LRRC17: variants seen among roughly 807,000 people sequenced by gnomAD.
LRRC17 encodes the protein leucine rich repeat containing 17, also known as leucine-rich repeat-containing protein 17.
A neutral mutation model predicts 41.5 loss-of-function variants in LRRC17; 33 were observed. The observed-to-expected ratio is 0.80, with a 90% confidence interval of 0.60 to 1.06. LRRC17 has a LOEUF of 1.06. Among genes scored for constraint, LRRC17 ranks in the 50% least tolerant of loss-of-function variants. The probability of loss-of-function intolerance (pLI) is 0.00; values close to 1 mark genes in which losing one functional copy is unlikely to be tolerated. For synonymous variants in LRRC17, 192 were observed against 197.0 expected (o/e 0.97, Z 0.21); for missense variants, 491 against 519.3 (o/e 0.95, Z 0.53).
chr7:102,926,791 A>G (rs1418923249), intron 1 of LRRC17, among the ~76,000 whole-genome samples: 2 of 152,228 alleles, frequency 1.3e-5, no homozygotes, highest in South Asian at 2.1e-4. Context: ...ACTCTCAACA[A>G]TGGAACTTTA....
intron 1 of LRRC17, among the ~76,000 whole-genome samples, chr7:102,919,445 C>T (rs1423600007): frequency 6.6e-6 from 1 of 152,090 alleles, no homozygotes; most frequent in African/African-American, 2.4e-5. Context: ...AATGCCTTCC[C>T]TAGCTGAGAA....
At chr7:102,939,882 T>A (rs1821058688) in intron 3 of LRRC17, among the ~76,000 whole-genome samples, 1 of 151,960 alleles carries the variant, frequency 6.6e-6, no homozygotes, top group Non-Finnish European at 1.5e-5. Flanking sequence ...AATAGTATAC[T>A]AAAATGTAGT....
chr7:102,914,796 C>T (rs1241086373), intron 1 of LRRC17, among the ~76,000 whole-genome samples: 4 of 152,148 alleles, frequency 2.6e-5, no homozygotes, highest in Non-Finnish European at 4.4e-5. Flanking sequence ...CAAAGACACG[C>T]CCCCTCTCTT....
intron 1 of LRRC17, among the ~76,000 whole-genome samples, chr7:102,919,900 C>T (rs1170424838): frequency 6.6e-6 from 1 of 152,076 alleles, no homozygotes; most frequent in Non-Finnish European, 1.5e-5. Flanking sequence ...GAAAAAAAGA[C>T]CATCAATGAA....
intron 2 of LRRC17, 44 bp from the exon 3 acceptor site, chr7:102,939,386 G>A (rs374967483): frequency 3.3e-6 from 5 of 1,528,704 alleles, no homozygotes; most frequent in Admixed American, 3.7e-5. Context: ...GAGGAAATGG[G>A]GGCAAAAAGA....
rs1377414140 is a variant in LRRC17, at chr7:102,934,685, G to A, written c.772G>A (p.Glu258Lys). The A allele has an allele frequency of 1.3e-6, 2 of 1,571,704 alleles. No homozygotes were observed. The highest frequency in any genetic ancestry group is 1.7e-6 in the Non-Finnish European group (2 of 1,165,904). ...ACAAACACTGGACTGCAAAAGGAAA[G>A]GTTTGTACTTTTCTTACTTTTTCAT... ...PIQTLDCKRK[E>K]LKKVPNNIPP... The change falls in exon 2 of 4, where the codon GAG (glutamate) becomes AAG (lysine). Residue 258 changes from glutamate to lysine, a missense_variant and splice_region_variant. Glu to Lys is a moderately conservative substitution (Grantham distance 56). Transcript: ENST00000339431.
intron 1 of LRRC17, among the ~76,000 whole-genome samples, chr7:102,931,593 A>T (rs1210035678): frequency 1.3e-5 from 2 of 152,090 alleles, no homozygotes; most frequent in Non-Finnish European, 2.9e-5. Context: ...CTGGGGCCCA[A>T]TTTTTTTCTG....
intron 2 of LRRC17, among the ~76,000 whole-genome samples, chr7:102,937,490 G>T (rs1396980647): frequency 1.6e-5 from 2 of 123,776 alleles, no homozygotes; most frequent in African/African-American, 3.1e-5. Flanking sequence ...CTGGGCGACA[G>T]AGCAAGACTC....
At chr7:102,943,499 T>C (rs1821866879) in intron 3 of LRRC17, among the ~76,000 whole-genome samples, 1 of 152,150 alleles carries the variant, frequency 6.6e-6, no homozygotes, top group Non-Finnish European at 1.5e-5. Flanking sequence ...AACAAAACCT[T>C]CTATCAATCC....
rs1390291237 is a variant in LRRC17, at chr7:102,924,084, C to T, written c.-140-9690C>T. Among the ~76,000 whole-genome samples the T allele has an allele frequency of 2.6e-5, 4 of 151,228 alleles. No individual in the cohort carries two copies. The East Asian group carries it at 7.9e-4, about 30-fold the overall frequency. ...GAGAAACCCCTCTCTACTAAAAATA[C>T]AAAATTAGCCGGGTGTGGTGGCACA... On this transcript the variant is annotated intron_variant, in intron 1 of 3. Transcript: ENST00000339431.
rs553487507 is a variant in LRRC17, at chr7:102,941,316, G to C, written c.928+1731G>C. Among the ~76,000 whole-genome samples the C allele has an allele frequency of 3.3e-5, 5 of 152,250 alleles. No individual in the cohort carries two copies. The South Asian group carries it at 1.0e-3, about 32-fold the overall frequency. On this transcript the variant is annotated intron_variant, in intron 3 of 3. Coordinates refer to ENST00000339431, the MANE Select transcript of LRRC17 (RefSeq NM_001031692.3). ...CATGTCCACAAAGCCAGGGTACAGG[G>C]TAAAGAATCTGGAAGTGGAGACCCT...
chr7:102,942,912 G>A (rs1023386549), intron 3 of LRRC17, among the ~76,000 whole-genome samples: 2 of 152,136 alleles, frequency 1.3e-5, no homozygotes, highest in African/African-American at 2.4e-5. Flanking sequence ...GAGTATTTCT[G>A]GAGTATCTGG....
rs1819848946 is a variant in LRRC17, at chr7:102,934,341, T to G, written c.428T>G (p.Val143Gly). 1 of 1,614,094 alleles carries G rather than the reference T, an allele frequency of 6.2e-7. No homozygotes were observed. Among genetic ancestry groups the G allele is most frequent in the South Asian group, 1.1e-5 (1 of 91,076 alleles). The change falls in exon 2 of 4, where the codon GTC becomes GGC. Residue 143 changes from valine to glycine, a missense_variant. Transcript: ENST00000339431. ...TTACTGCAGCACAACCAGATCAAAG[T>G]CTTGACGGAGGAAGTGTTCATTTAC... Reference protein sequence around the residue: ...TLLLQHNQIKVLTEEVFIYTP... With the variant: ...TLLLQHNQIKGLTEEVFIYTP...
intron 1 of LRRC17, among the ~76,000 whole-genome samples, chr7:102,921,013 G>A (rs951506980): frequency 2.0e-5 from 3 of 151,984 alleles, no homozygotes; most frequent in Admixed American, 1.3e-4. Context: ...TTAGCCTGGC[G>A]TGGTGGCGGG....
rs200274905 is a variant in LRRC17 at position 102,934,579 on chromosome 7, G to A, written c.666G>A (p.Pro222=). ...CNEEEKEQLD[P]KPQVSGRPPV... is the part of the protein sequence containing the mutation. The stretch of plus-strand genomic sequence containing the variant: ...AAGAAGAAAAGGAACAATTGGACCC[G>A]AAACCCCAAGTGTCAGGGAGACCCC... The change falls in exon 2 of 4, where the codon CCG becomes CCA. Residue 222 remains proline, a synonymous_variant. Transcript: ENST00000339431. 8 of 1,613,994 alleles carry A rather than the reference G, an allele frequency of 5.0e-6. No individual in the cohort carries two copies. The East Asian group carries it at 1.1e-4, about 22-fold the overall frequency.
rs750768621 is a variant in LRRC17, at chr7:102,934,703, TTTTTCA to T, written c.772+26_772+31del. ...AAGGAAAGGTTTGTACTTTTCTTAC[TTTTTCA>T]TTTTCATGAATAACTTGAAATGCTC... is the stretch of plus-strand genomic sequence containing the variant. On this transcript the variant is annotated intron_variant, in intron 2 of 3. Coordinates refer to ENST00000339431, the MANE Select transcript of LRRC17 (RefSeq NM_001031692.3). 2.6e-5 allele frequency: 41 copies of T among 1,554,596 alleles called. No individual in the cohort carries two copies. The highest frequency in any genetic ancestry group is 1.7e-4 in the Middle Eastern group (1 of 5,800).
At chr7:102,932,527 T>G (rs1819381734) in intron 1 of LRRC17, among the ~76,000 whole-genome samples, 2 of 1,304 alleles carry the variant, frequency 1.5e-3, no homozygotes, top group African/African-American at 2.0e-3. Context: ...CATAAATAAT[T>G]CAGCATGTAT....
rs759230912 is a variant in LRRC17 at position 102,934,127 on chromosome 7, T to C, written c.214T>C (p.Leu72=). 12 of 1,613,838 alleles carry C rather than the reference T, an allele frequency of 7.4e-6. No individual in the cohort carries two copies. Among genetic ancestry groups the C allele is most frequent in the Non-Finnish European group, 1.0e-5 (12 of 1,179,888 alleles). The change falls in exon 2 of 4, where the codon TTA becomes CTA. Residue 72 remains leucine, a synonymous_variant. Coordinates refer to ENST00000339431, the MANE Select transcript of LRRC17 (RefSeq NM_001031692.3). ...ATACTTAGATTGTCAAGAAAGAAAATTAGTTTATGTGCTGCCTGGTTGGCC... is the reference window on the plus strand; with the variant it reads ...ATACTTAGATTGTCAAGAAAGAAAACTAGTTTATGTGCTGCCTGGTTGGCC... The part of the protein sequence containing the change: ...EKYLDCQERK[L]VYVLPGWPQD...
chr7:102,942,280 T>C (rs1563127161), intron 3 of LRRC17: 1 of 1,594,966 alleles, frequency 6.3e-7, no homozygotes, highest in Non-Finnish European at 8.5e-7. Flanking sequence ...AAAGGTCTCC[T>C]ATATTTCAGG....
Sources: allele counts gnomAD v4.1 joint callset (sites outside exome capture counted in the v4.1 genomes callset), GRCh38; gene constraint gnomAD v4.1.1; transcripts MANE v1.5; gene names NCBI Gene and HGNC (gene_info 2026-07-23, HGNC 2026-07-21).